CFLAR: variants seen among roughly 807,000 people sequenced by gnomAD.
CFLAR encodes the protein CASP8 and FADD-like apoptosis regulator.
CFLAR carries 14 observed loss-of-function variants against 51.1 expected under a neutral mutation model. That is an observed-to-expected ratio of 0.27 (90% CI 0.18 to 0.43). The LOEUF is 0.43. CFLAR is among the 20% of genes least tolerant of loss of function. The pLI, the probability that CFLAR is intolerant of heterozygous loss-of-function variation, is 1.00. For missense variants in CFLAR, 390 were observed against 566.5 expected (o/e 0.69, Z 3.16); for synonymous variants, 210 against 211.6 (o/e 0.99, Z 0.06).
In CFLAR at chr2:201,172,838, G is replaced by C. The variant is rs1456461554; in HGVS notation, c.*8865G>C. On this transcript the variant is annotated 3_prime_UTR_variant, in exon 10 of 10. Coordinates refer to ENST00000309955, the MANE Select transcript of CFLAR (RefSeq NM_003879.7). ...ACTGTTTCCACTTTTTTGCTATTAT[G>C]GATGATGCTGCTATGAATATTCGTA... 6.6e-6 allele frequency: 1 copy of C among 152,104 alleles called. No homozygotes were observed. The highest frequency in any genetic ancestry group is 1.5e-5 in the Non-Finnish European group (1 of 67,998). 9.4% of individuals were successfully genotyped at this position (152,104 alleles called of 1,614,324 possible).
intron 2 of CFLAR, among the ~76,000 whole-genome samples, chr2:201,132,194 A>G (rs1234002066): frequency 6.6e-6 from 1 of 151,934 alleles, no homozygotes; most frequent in East Asian, 1.9e-4. Flanking sequence ...GTTGAAGAGG[A>G]GTGCTAGATT....
chr2:201,117,165 G>A (rs1214818551), intron 1 of CFLAR: 1 of 152,170 alleles, frequency 6.6e-6, no homozygotes, highest in Non-Finnish European at 1.5e-5. Context: ...ATTTTCCAGA[G>A]CAGTTTAATG....
intron 3 of CFLAR, 39 bp from the exon 4 acceptor site, chr2:201,135,933 G>A (rs549597369): frequency 6.3e-7 from 1 of 1,593,284 alleles, no homozygotes; most frequent in Admixed American, 1.8e-5. Context: ...GGCCTAGCTA[G>A]CTCTATTGAC....
intron 1 of CFLAR, among the ~76,000 whole-genome samples, chr2:201,128,691 G>A (rs1365059001): frequency 6.6e-6 from 1 of 152,174 alleles, no homozygotes; most frequent in Non-Finnish European, 1.5e-5. Flanking sequence ...GCAATTTAGA[G>A]TTGGGTTGTG....
chr2:201,163,100 T>C, intron 9 of CFLAR: 1 of 750,270 alleles, frequency 1.3e-6, no homozygotes, highest in Non-Finnish European at 2.4e-6. Context: ...ATCAGCTTTA[T>C]AGGAGAGTAG....
intron 6 of CFLAR, chr2:201,148,131 A>G (rs553006951): frequency 1.3e-5 from 2 of 152,252 alleles, no homozygotes; most frequent in East Asian, 3.9e-4. Flanking sequence ...TTCAAGTATC[A>G]GAGATAGCTG....
intron 8 of CFLAR, chr2:201,153,095 A>T (rs1349757558): frequency 6.6e-6 from 1 of 152,144 alleles, no homozygotes; most frequent in South Asian, 2.1e-4. Flanking sequence ...ATTAGAGGGT[A>T]CCCTGGATGC....
intron 8 of CFLAR, among the ~76,000 whole-genome samples, chr2:201,156,371 A>C (rs1333551741): frequency 2.0e-5 from 3 of 152,300 alleles, no homozygotes; most frequent in African/African-American, 7.2e-5. Flanking sequence ...TTTTTCACTA[A>C]GAATGTTTTG....
Position 201,172,833 on chromosome 2 carries a change from A to G in CFLAR, c.*8860A>G, listed in dbSNP as rs970065880. ...TTTAGACTGTTTCCACTTTTTTGCTATTATGGATGATGCTGCTATGAATAT... is the reference window on the plus strand; with the variant it reads ...TTTAGACTGTTTCCACTTTTTTGCTGTTATGGATGATGCTGCTATGAATAT... On this transcript the variant is annotated 3_prime_UTR_variant, in exon 10 of 10. Coordinates refer to ENST00000309955, the MANE Select transcript of CFLAR (RefSeq NM_003879.7). 1.3e-5 allele frequency: 2 copies of G among 152,072 alleles called. No homozygotes were observed. Among genetic ancestry groups the G allele is most frequent in the African/African-American group, 4.8e-5 (2 of 41,408 alleles). 9.4% of individuals were successfully genotyped at this position (152,072 alleles called of 1,614,324 possible).
intron 2 of CFLAR, among the ~76,000 whole-genome samples, chr2:201,131,610 AACTAT>A (rs2125677440): frequency 6.6e-6 from 1 of 152,356 alleles, no homozygotes; most frequent in South Asian, 2.1e-4. Context: ...TATTATCAAG[AACTAT>A]ACTAAAGAGA....
intron 1 of CFLAR, among the ~76,000 whole-genome samples, chr2:201,122,167 T>TA (rs1197586579): frequency 6.6e-6 from 1 of 152,234 alleles, no homozygotes; most frequent in Non-Finnish European, 1.5e-5. Context: ...AGCCTGGTAA[T>TA]AAATTGATGA....
chr2:201,153,292 A>T (rs2125878979), intron 8 of CFLAR: 1 of 152,358 alleles, frequency 6.6e-6, no homozygotes, highest in East Asian at 1.9e-4. Context: ...ATCAGCTGAG[A>T]GGTCACAAAT....
intron 8 of CFLAR, among the ~76,000 whole-genome samples, chr2:201,155,956 G>T (rs1459373685): frequency 6.6e-6 from 1 of 152,048 alleles, no homozygotes; most frequent in Non-Finnish European, 1.5e-5. Flanking sequence ...AGGGTCTTTT[G>T]CTGTATTTCC....
intron 9 of CFLAR, among the ~76,000 whole-genome samples, chr2:201,161,158 T>G (rs1329289888): frequency 6.6e-6 from 1 of 152,204 alleles, no homozygotes. Context: ...TACTTTTCTT[T>G]AAAATTAAGA....
Position 201,136,825 on chromosome 2 carries a change from C to T in CFLAR, c.523+718C>T, listed in dbSNP as rs2050195258. The T allele has an allele frequency of 3.3e-5, 9 of 269,388 alleles. No homozygotes were observed. In the South Asian group the frequency reaches 4.3e-4, roughly 13 times the overall value. The allele number at this position is 269,388 out of a possible 1,614,324, so 16.7% of individuals were successfully genotyped here. A position where few individuals can be genotyped will look rare whatever the true frequency, so the allele number is the denominator to read the frequency against. On this transcript the variant is annotated intron_variant, in intron 4 of 9. Transcript: ENST00000309955. ...TTTTTTGAGACCTGCTTGATTTATT[C>T]CGATTATTTAACACACAGGGACGCA...
rs1943798339 is a variant in CFLAR at position 201,168,422 on chromosome 2, A to T, written c.*4449A>T. On this transcript the variant is annotated 3_prime_UTR_variant, in exon 10 of 10. Coordinates refer to ENST00000309955, the MANE Select transcript of CFLAR (RefSeq NM_003879.7). ...CAGAAAAGGCCTTCAATAAAATTCAACGTTGCTTCATGTTAAAAACTCTCA... is the reference window on the plus strand; with the variant it reads ...CAGAAAAGGCCTTCAATAAAATTCATCGTTGCTTCATGTTAAAAACTCTCA... The T allele has an allele frequency of 6.6e-6, 1 of 152,134 alleles. No homozygotes were observed. Among genetic ancestry groups the T allele is most frequent in the Non-Finnish European group, 1.5e-5 (1 of 68,024 alleles). 9.4% of individuals were successfully genotyped at this position (152,134 alleles called of 1,614,324 possible). A position where few individuals can be genotyped will look rare whatever the true frequency, so the allele number is the denominator to read the frequency against.
intron 6 of CFLAR, chr2:201,146,361 G>T (rs913787046): frequency 2.6e-5 from 4 of 152,152 alleles, no homozygotes; most frequent in African/African-American, 9.7e-5. Flanking sequence ...TGCCCAGGCT[G>T]GTCTCAAACT....
At chr2:201,122,733 A>T (rs1279191274) in intron 1 of CFLAR, 1 of 152,222 alleles carries the variant, frequency 6.6e-6, no homozygotes, top group Non-Finnish European at 1.5e-5. Context: ...CTTGAGAGAG[A>T]AGATATAATT....
Position 201,124,892 on chromosome 2 carries a change from T to G in CFLAR, c.-137-4837T>G, listed in dbSNP as rs140780239. The stretch of plus-strand genomic sequence containing the variant: ...TTCAAGGAGGGATGAATTAGCAGTG[T>G]CAGCTGGAGTTGAGCAGTCAGATGA... On this transcript the variant is annotated intron_variant, in intron 1 of 9. Coordinates refer to ENST00000309955, the MANE Select transcript of CFLAR (RefSeq NM_003879.7). This position sits in a 1 kb window ranked among gnomAD's most constrained non-coding sequence, Gnocchi z 4.7. Among the ~76,000 whole-genome samples the G allele has an allele frequency of 1.8e-3, 269 of 152,184 alleles. 2 individuals are homozygous for G. Among genetic ancestry groups the G allele is most frequent in the African/African-American group, 6.1e-3 (253 of 41,502 alleles).
Sources: allele counts gnomAD v4.1 joint callset (sites outside exome capture counted in the v4.1 genomes callset), GRCh38; gene constraint gnomAD v4.1.1; non-coding constraint Gnocchi (gnomAD v3.1); transcripts MANE v1.5; gene names NCBI Gene and HGNC (gene_info 2026-07-23, HGNC 2026-07-21).